KCNH7: variants seen among roughly 807,000 people sequenced by gnomAD.
KCNH7 encodes potassium voltage-gated channel subfamily H member 7, also known as voltage-gated inwardly rectifying potassium channel KCNH7.
In KCNH7, 49 loss-of-function variants were observed where a neutral mutation model predicts 120.8. That is an observed-to-expected ratio of 0.41 (90% confidence interval 0.32 to 0.51). The LOEUF is 0.51. Ranked by LOEUF, KCNH7 falls within the 20% of genes least tolerant of loss-of-function variation. KCNH7 has a pLI of 0.38. For synonymous variants in KCNH7, 547 were observed against 516.1 expected, an observed-to-expected ratio of 1.06 and a Z score of -0.81; for missense variants, 1,097 against 1,446.6, an observed-to-expected ratio of 0.76 and a Z score of 3.92.
chr2:162,461,769 A>T (rs1027790248), intron 6 of KCNH7, among the ~76,000 whole-genome samples: 1 of 152,172 alleles, frequency 6.6e-6, no homozygotes, highest in African/African-American at 2.4e-5. Flanking sequence ...CTTTGAAAGG[A>T]CCCCATTTAA....
chr2:162,602,752 A>G (rs1694599251), intron 2 of KCNH7, among the ~76,000 whole-genome samples: 1 of 152,006 alleles, frequency 6.6e-6, no homozygotes, highest in Non-Finnish European at 1.5e-5. Flanking sequence ...GTGGTTTTGT[A>G]TCAATGAATA....
rs776328296 is a variant in KCNH7 at position 162,394,431 on chromosome 2, G to C, written c.2668C>G (p.Leu890Val). ...MNDSEGDNCK[L>V]RRRKLSFESE... ...TCAAATGACAATTTCCTTCTTCTTA[G>C]TTTACAGTTGTCTCCTTCTGAATCA... Residue 890 changes from leucine (L) to valine (V), a missense_variant, in exon 12 of 16, where the codon CTA becomes GTA. Around this residue, in one of 8 missense-constraint regions of KCNH7, gnomAD observed 406 missense variants for 410.5 expected, o/e 0.99. Transcript: ENST00000332142. 1.2e-6 allele frequency: 2 copies of C among 1,606,736 alleles called. No individual in the cohort carries two copies. Among genetic ancestry groups the C allele is most frequent in the Non-Finnish European group, 1.7e-6 (2 of 1,174,206 alleles).
intron 2 of KCNH7, among the ~76,000 whole-genome samples, chr2:162,591,808 C>T (rs979777412): frequency 6.6e-5 from 10 of 151,968 alleles, no homozygotes; most frequent in African/African-American, 1.7e-4. Context: ...ATTTAATCCT[C>T]ATTATTGACG....
intron 2 of KCNH7, among the ~76,000 whole-genome samples, chr2:162,677,812 T>A (rs73974037): frequency 0.014 from 2,167 of 151,592 alleles, 39 homozygotes; most frequent in East Asian, 0.075. Context: ...TTCACATTCT[T>A]ACAAATATTT....
Position 162,525,795 on chromosome 2 carries a change from C to CTGTA in KCNH7, c.464-7641_464-7638dup, listed in dbSNP as rs1347005615. Among the ~76,000 whole-genome samples, 9 of 151,964 alleles carry CTGTA rather than the reference C, an allele frequency of 5.9e-5. No homozygotes were observed. The South Asian group carries it at 8.3e-4, about 14-fold the overall frequency. ...GGTACAGACACCAATTACCCAAATG[C>CTGTA]TGTATGTATGTATGAATAGGGACTG... On this transcript the variant is annotated intron_variant, in intron 3 of 15. Coordinates refer to ENST00000332142, the MANE Select transcript of KCNH7 (RefSeq NM_033272.4).
intron 2 of KCNH7, among the ~76,000 whole-genome samples, chr2:162,780,138 T>C (rs1303104342): frequency 6.6e-6 from 1 of 152,168 alleles, no homozygotes. Context: ...GAAAAGTAAT[T>C]CCCTTCCTTA....
At chr2:162,394,646 CTT>C (rs1322825379) in intron 11 of KCNH7, among the ~76,000 whole-genome samples, 161 bp from the exon 12 acceptor site, 2 of 151,924 alleles carry the variant, frequency 1.3e-5, no homozygotes, top group South Asian at 4.1e-4. Context: ...ATACTTGTCT[CTT>C]TATTGTAACA....
chr2:162,744,174 C>T (rs1481299779), intron 2 of KCNH7, among the ~76,000 whole-genome samples: 2 of 152,130 alleles, frequency 1.3e-5, no homozygotes, highest in African/African-American at 2.4e-5. Flanking sequence ...ATCTGACAAA[C>T]ATGCCTGACT....
intron 2 of KCNH7, among the ~76,000 whole-genome samples, chr2:162,651,527 T>C (rs754075768): frequency 7.9e-5 from 12 of 152,082 alleles, no homozygotes; most frequent in East Asian, 1.9e-4. Context: ...ATCTGCAAAA[T>C]ACACAATCTT....
At chr2:162,832,638 G>A (rs748256898) in intron 2 of KCNH7, among the ~76,000 whole-genome samples, 1 of 152,000 alleles carries the variant, frequency 6.6e-6, no homozygotes, top group African/African-American at 2.4e-5. Flanking sequence ...TAATACAAAT[G>A]TCCTGGAAGC....
intron 9 of KCNH7, among the ~76,000 whole-genome samples, chr2:162,410,536 T>C (rs1475840079): frequency 6.6e-6 from 1 of 151,854 alleles, no homozygotes; most frequent in African/African-American, 2.4e-5. Flanking sequence ...CTCTTCAACC[T>C]TGGCAAAAAT....
At chr2:162,569,398 C>T (rs1363695291) in intron 2 of KCNH7, among the ~76,000 whole-genome samples, 14 of 149,228 alleles carry the variant, frequency 9.4e-5, no homozygotes, top group African/African-American at 2.2e-4. Flanking sequence ...TTTTTTATTG[C>T]GTCTATTTGA....
intron 2 of KCNH7, among the ~76,000 whole-genome samples, chr2:162,798,228 G>A (rs972543099): frequency 6.6e-5 from 10 of 151,956 alleles, no homozygotes; most frequent in African/African-American, 2.2e-4. Flanking sequence ...TTAAGAAAAC[G>A]AAAGTAGTTT....
rs904190475 is a variant in KCNH7, at chr2:162,384,849, G to A, written c.2801C>T (p.Ser934Phe). 2.5e-6 allele frequency: 4 copies of A among 1,612,636 alleles called. No homozygotes were observed. The highest frequency in any genetic ancestry group is 2.2e-5 in the East Asian group (1 of 44,808). Residue 934 changes from serine to phenylalanine, a missense_variant, in exon 13 of 16, where the codon TCC (serine) becomes TTC (phenylalanine). Around this residue, in one of 8 missense-constraint regions of KCNH7, gnomAD observed 406 missense variants for 410.5 expected, o/e 0.99. Coordinates refer to ENST00000332142, the MANE Select transcript of KCNH7 (RefSeq NM_033272.4). ...ATCAATGGAGGAGATGAAAGATGAG[G>A]ATCTGCTTTTTTTCTCTTCAAAGTG... ...KRHFEEKKSR[S>F]SSFISSIDDE...
At chr2:162,648,722 C>T (rs1179989514) in intron 2 of KCNH7, among the ~76,000 whole-genome samples, 2 of 152,074 alleles carry the variant, frequency 1.3e-5, no homozygotes, top group African/African-American at 2.4e-5. Context: ...ATGATTTTGT[C>T]TCTTGGCCTA....
chr2:162,609,523 C>T (rs1190660269), intron 2 of KCNH7, among the ~76,000 whole-genome samples: 1 of 152,024 alleles, frequency 6.6e-6, no homozygotes, highest in African/African-American at 2.4e-5. Flanking sequence ...CAGGAGGGCC[C>T]TCAGAGATCA....
intron 2 of KCNH7, among the ~76,000 whole-genome samples, chr2:162,574,444 G>A (rs2105904858): frequency 6.6e-6 from 1 of 151,506 alleles, no homozygotes; most frequent in East Asian, 1.9e-4. Flanking sequence ...ATACCTGTTA[G>A]TTGGCTCAAT....
At chr2:162,731,667 A>G (rs1224667295) in intron 2 of KCNH7, among the ~76,000 whole-genome samples, 1 of 152,036 alleles carries the variant, frequency 6.6e-6, no homozygotes. Flanking sequence ...ATGAAAATAT[A>G]AAATATTTAT....
At chr2:162,373,213 T>G (rs534502716) in intron 15 of KCNH7, among the ~76,000 whole-genome samples, 1 of 152,160 alleles carries the variant, frequency 6.6e-6, no homozygotes, top group Non-Finnish European at 1.5e-5. Context: ...AGAAAGGTTT[T>G]CCTTTTAAAA....
Sources: gnomAD v4.1 joint callset for allele counts (sites outside exome capture counted in the v4.1 genomes callset) on GRCh38, gnomAD v4.1.1 for gene constraint, gnomAD v4.1.1 regional missense constraint, MANE v1.5 for transcripts, NCBI Gene and HGNC (gene_info 2026-07-23, HGNC 2026-07-21) for gene names.